Variants in WDR7 observed in about 807,000 individuals in gnomAD.
WDR7 encodes the protein WD repeat domain 7, also known as WD repeat-containing protein 7.
Under a neutral mutation model 169.4 loss-of-function variants are expected in WDR7, and 46 were observed. That is an observed-to-expected ratio of 0.27 (90% CI 0.21 to 0.35). The LOEUF is 0.35. Ranked by LOEUF, WDR7 falls within the 10% of genes least tolerant of loss-of-function variation. The pLI, the probability that WDR7 is intolerant of heterozygous loss-of-function variation, is 1.00. For missense variants in WDR7, 1,534 were observed against 1,859.3 expected (o/e 0.83, Z 3.22); for synonymous variants, 612 against 666.8 (o/e 0.92, Z 1.27).
At chr18:56,938,751 T>A in intron 24 of WDR7, 69 bp downstream of exon 24, 1 of 1,565,530 alleles carries the variant, frequency 6.4e-7, no homozygotes, top group East Asian at 2.3e-5. Flanking sequence ...GTAATATAAA[T>A]CAGTATCTTT....
chr18:56,689,378 A>G (rs1394908989), intron 7 of WDR7, among the ~76,000 whole-genome samples: 1 of 152,172 alleles, frequency 6.6e-6, no homozygotes, highest in Admixed American at 6.5e-5. Flanking sequence ...CTCCTGCCTC[A>G]GCCTCCCAAG....
At position 56,657,933 on chromosome 18, in the gene WDR7, GT is replaced by G. The variant is rs991068835; in HGVS notation, c.-20+6368del. Among the ~76,000 whole-genome samples the G allele has an allele frequency of 1.2e-3, 177 of 144,392 alleles. No homozygotes were observed. In the East Asian group the frequency reaches 0.012, roughly 10 times the overall value. The allele number at this position is 144,392 out of a possible 152,430, so 94.7% of individuals were successfully genotyped here. On this transcript the variant is annotated intron_variant, in intron 1 of 27. Coordinates refer to ENST00000254442, the MANE Select transcript of WDR7 (RefSeq NM_015285.3). ...GGTGACGTTTAATGAAATTACAGGGGTTTTTTTTTTTGGCTGTTGATTACTT... is the reference window on the plus strand; with the variant it reads ...GGTGACGTTTAATGAAATTACAGGGGTTTTTTTTTTGGCTGTTGATTACTT...
chr18:56,809,973 G>A (rs756854546), intron 19 of WDR7, among the ~76,000 whole-genome samples: 2 of 151,962 alleles, frequency 1.3e-5, no homozygotes, highest in Admixed American at 6.6e-5. Context: ...GGCAACCACT[G>A]ATTTCATTTT....
At chr18:56,874,299 A>G (rs985077467) in intron 20 of WDR7, among the ~76,000 whole-genome samples, 2 of 151,994 alleles carry the variant, frequency 1.3e-5, no homozygotes, top group Admixed American at 1.3e-4. Context: ...ATGGTTACGC[A>G]TTTAGGTGGT....
At position 57,028,447 on chromosome 18, in the gene WDR7, G is replaced by T. The variant is rs2048400936; in HGVS notation, c.*1240G>T. Reference sequence around the variant, plus strand: ...AATAGAATTATATTTTGTATGAATTGTTTCTAACAAACCTTGATCTGTATA... The same window carrying T: ...AATAGAATTATATTTTGTATGAATTTTTTCTAACAAACCTTGATCTGTATA... On this transcript the variant is annotated 3_prime_UTR_variant, in exon 28 of 28. Coordinates refer to ENST00000254442, the MANE Select transcript of WDR7 (RefSeq NM_015285.3). The T allele has an allele frequency of 6.6e-6, 1 of 152,158 alleles. No individual in the cohort carries two copies. Among genetic ancestry groups the T allele is most frequent in the Non-Finnish European group, 1.5e-5 (1 of 68,028 alleles). 9.4% of individuals were successfully genotyped at this position (152,158 alleles called of 1,614,324 possible). A position where few individuals can be genotyped will look rare whatever the true frequency, so the allele number is the denominator to read the frequency against.
chr18:56,863,670 T>C (rs1200213390), intron 20 of WDR7, among the ~76,000 whole-genome samples: 1 of 151,836 alleles, frequency 6.6e-6, no homozygotes, highest in Non-Finnish European at 1.5e-5. Context: ...ATATTTACAT[T>C]ATTCTTAACT....
intron 26 of WDR7, among the ~76,000 whole-genome samples, chr18:56,992,404 C>T (rs1368364635): frequency 2.6e-5 from 4 of 152,070 alleles, no homozygotes; most frequent in African/African-American, 9.7e-5. Flanking sequence ...ATGATAGGAC[C>T]AGTATCAAGG....
At chr18:56,925,131 T>C (rs899144487) in intron 22 of WDR7, among the ~76,000 whole-genome samples, 5 of 152,260 alleles carry the variant, frequency 3.3e-5, no homozygotes, top group Non-Finnish European at 2.9e-5. Context: ...TATGGCTGAA[T>C]AACATTCCAT....
At chr18:56,958,385 A>G (rs754828320) in intron 25 of WDR7, among the ~76,000 whole-genome samples, 4 of 152,186 alleles carry the variant, frequency 2.6e-5, no homozygotes, top group African/African-American at 7.2e-5. Context: ...CCCTATTTCA[A>G]TAATGGCATC....
At chr18:56,812,471 T>C (rs1442838291) in intron 19 of WDR7, among the ~76,000 whole-genome samples, 5 of 152,182 alleles carry the variant, frequency 3.3e-5, no homozygotes, top group Admixed American at 1.3e-4. Flanking sequence ...AGGGGACTTA[T>C]TAGGGGAATT....
rs752679794 is a variant in WDR7 at position 56,708,030 on chromosome 18, CTT to C, written c.1579-9916_1579-9915del. On this transcript the variant is annotated intron_variant, in intron 12 of 27. Coordinates refer to ENST00000254442, the MANE Select transcript of WDR7 (RefSeq NM_015285.3). ...AGGTGTGTGAATTCAGTGTTTATTC[CTT>C]TTTTTTTTTTTTTTTTTCTGAGACA... Among the ~76,000 whole-genome samples the C allele has an allele frequency of 2.7e-3, 359 of 132,786 alleles. 3 individuals are homozygous for C. The East Asian group carries it at 0.035, about 13-fold the overall frequency. 87.1% of individuals were successfully genotyped at this position (132,786 alleles called of 152,430 possible).
At chr18:56,718,284 C>A (rs1370024145) in intron 13 of WDR7, 125 bp downstream of exon 13, 3 of 1,047,824 alleles carry the variant, frequency 2.9e-6, no homozygotes, top group East Asian at 5.3e-5. Flanking sequence ...ACTTTTATTT[C>A]TAATTGTTTA....
chr18:56,997,838 G>A (rs1303901451), intron 26 of WDR7, among the ~76,000 whole-genome samples: 1 of 152,148 alleles, frequency 6.6e-6, no homozygotes, highest in Non-Finnish European at 1.5e-5. Context: ...GTTGGAGAAG[G>A]TAATCAGCCT....
chr18:56,793,977 C>G (rs527243079), intron 19 of WDR7, among the ~76,000 whole-genome samples: 2 of 152,040 alleles, frequency 1.3e-5, no homozygotes, highest in African/African-American at 4.8e-5. Context: ...TATTTCTCTT[C>G]GAGTTGCTGC....
chr18:56,689,627 A>G (rs1294231789), intron 7 of WDR7, among the ~76,000 whole-genome samples: 2 of 152,218 alleles, frequency 1.3e-5, no homozygotes, highest in Non-Finnish European at 2.9e-5. Flanking sequence ...ATTGTGAGAT[A>G]TAGATCCAAT....
Position 56,844,150 on chromosome 18 carries a change from C to G in WDR7, c.3304+28006C>G, listed in dbSNP as rs181916970. Among the ~76,000 whole-genome samples, 360 of 150,096 alleles carry G rather than the reference C, an allele frequency of 2.4e-3. 3 individuals are homozygous for G. Among genetic ancestry groups the G allele is most frequent in the African/African-American group, 8.6e-3 (348 of 40,556 alleles). ...TGCTAGGATTACAGGCATGAGCCAC[C>G]ACACTCAATCTATTTTTTTTTTTTT... On this transcript the variant is annotated intron_variant, in intron 20 of 27. Coordinates refer to ENST00000254442, the MANE Select transcript of WDR7 (RefSeq NM_015285.3).
At chr18:56,762,142 A>C (rs2043988990) in intron 16 of WDR7, among the ~76,000 whole-genome samples, 1 of 152,086 alleles carries the variant, frequency 6.6e-6, no homozygotes, top group South Asian at 2.1e-4. Context: ...AATTTAGAAC[A>C]TAAACCCAAT....
intron 21 of WDR7, among the ~76,000 whole-genome samples, chr18:56,892,234 T>A (rs549545922): frequency 6.6e-6 from 1 of 152,252 alleles, no homozygotes; most frequent in East Asian, 1.9e-4. Context: ...TGTGATGTAT[T>A]ATTTTAACTG....
intron 20 of WDR7, among the ~76,000 whole-genome samples, chr18:56,844,020 G>T (rs1322830467): frequency 6.6e-6 from 1 of 151,648 alleles, no homozygotes; most frequent in Non-Finnish European, 1.5e-5. Context: ...ACACCACCAC[G>T]CCTGGCTAAT....
Sources: allele counts gnomAD v4.1 joint callset (sites outside exome capture counted in the v4.1 genomes callset), GRCh38; gene constraint gnomAD v4.1.1; transcripts MANE v1.5; gene names NCBI Gene and HGNC (gene_info 2026-07-23, HGNC 2026-07-21).